GOSR2: variants seen among roughly 807,000 people sequenced by gnomAD.
The protein encoded by GOSR2 is 27 kDa Golgi SNARE protein.
In GOSR2, 20 loss-of-function variants were observed where a neutral mutation model predicts 27.9. That is an observed-to-expected ratio of 0.72 (90% CI 0.50 to 1.04). GOSR2 has a LOEUF of 1.04. GOSR2 is among the 50% of genes least tolerant of loss of function. The probability of loss-of-function intolerance (pLI) is 0.00; values close to 1 mark genes in which losing one functional copy is unlikely to be tolerated. For synonymous variants in GOSR2, 91 were observed against 98.8 expected, an observed-to-expected ratio of 0.92 and a Z score of 0.47; for missense variants, 261 against 270.5, an observed-to-expected ratio of 0.97 and a Z score of 0.25.
intron 1 of GOSR2, chr17:46,924,606 C>T (rs149788415): frequency 2.5e-4 from 38 of 152,296 alleles, no homozygotes; most frequent in African/African-American, 8.2e-4. Context: ...TCCTCTTTCT[C>T]TTTCATTTTC....
chr17:46,973,656 G>A (rs1028346587), intron 6 of GOSR2, among the ~76,000 whole-genome samples: 3 of 152,138 alleles, frequency 2.0e-5, no homozygotes, highest in Non-Finnish European at 2.9e-5. Context: ...CACCTGCCCC[G>A]TCTGCCGAGC....
chr17:46,932,352 C>A, intron 4 of GOSR2, 153 bp downstream of exon 4: 3 of 819,310 alleles, frequency 3.7e-6, no homozygotes, highest in Non-Finnish European at 4.1e-6. Context: ...TGCATTGCCA[C>A]AGAGACTAGA....
intron 1 of GOSR2, chr17:46,923,908 G>A (rs2086100062): frequency 1.3e-5 from 5 of 398,224 alleles, no homozygotes; most frequent in South Asian, 1.3e-4. Context: ...TTTTGGGGGC[G>A]GGGGGCAGAA....
chr17:46,965,739 T>A (rs1057164818), intron 6 of GOSR2, among the ~76,000 whole-genome samples: 13 of 152,002 alleles, frequency 8.6e-5, no homozygotes, highest in Admixed American at 4.6e-4. Context: ...CCTCCCACCT[T>A]AGCCTCCTGA....
chr17:46,947,464 C>G (rs138924122), intron 6 of GOSR2, among the ~76,000 whole-genome samples: 152 of 152,292 alleles, frequency 1.0e-3, no homozygotes, highest in African/African-American at 3.6e-3. Context: ...GTTCATGCTG[C>G]TGAGATACTG....
chr17:46,945,765 T>C (rs2089801884), downstream of GOSR2, among the ~76,000 whole-genome samples: 1 of 152,092 alleles, frequency 6.6e-6, no homozygotes, highest in Non-Finnish European at 1.5e-5. Flanking sequence ...AGGCAGAAGC[T>C]CAGGGAGTGG....
chr17:46,951,466 G>A (rs2090340127), intron 6 of GOSR2, among the ~76,000 whole-genome samples: 3 of 152,232 alleles, frequency 2.0e-5, no homozygotes, highest in African/African-American at 7.2e-5. Context: ...CACAGGTTTA[G>A]CAGTGACTTG....
At chr17:46,970,480 C>T (rs1283168595), downstream of GOSR2, among the ~76,000 whole-genome samples, 1 of 138,674 alleles carries the variant, frequency 7.2e-6, no homozygotes, top group Non-Finnish European at 1.5e-5. Flanking sequence ...GCACAGGTTG[C>T]AGCAAGCCGA....
chr17:46,936,026 G>C lies in GOSR2; in HGVS notation c.477+857G>C, dbSNP rs2088271540. On this transcript the variant is annotated intron_variant, in intron 5 of 5. Transcript: ENST00000640051. ...AGTCTGTCAGCTCCACAGGACTTCA[G>C]TACGTTTCTGAACAGTCCCTGCCAT... 7 of 985,730 alleles carry C rather than the reference G, an allele frequency of 7.1e-6. No individual in the cohort carries two copies. In the South Asian group the frequency reaches 2.8e-4, roughly 40 times the overall value. 61.1% of individuals were successfully genotyped at this position (985,730 alleles called of 1,614,324 possible).
intron 4 of GOSR2, 24 bp from the exon 5 acceptor site, chr17:46,935,001 TAATC>T: frequency 6.2e-7 from 1 of 1,608,874 alleles, no homozygotes; most frequent in East Asian, 2.2e-5. Flanking sequence ...TAAGCAAAGT[TAATC>T]AAGTGCCTGT....
At chr17:46,926,138 A>G (rs558277363) in intron 1 of GOSR2, among the ~76,000 whole-genome samples, 2 of 152,322 alleles carry the variant, frequency 1.3e-5, no homozygotes, top group South Asian at 4.1e-4. Flanking sequence ...TTTCCTGAAC[A>G]GCGGAGCTTA....
chr17:46,933,464 G>A (rs1296798818), intron 4 of GOSR2: 4 of 152,182 alleles, frequency 2.6e-5, no homozygotes, highest in Admixed American at 2.6e-4. Context: ...CTGGGCATTA[G>A]CTGCATGCAG....
intron 6 of GOSR2, among the ~76,000 whole-genome samples, chr17:46,960,602 A>G (rs1183705780): frequency 6.6e-6 from 1 of 152,270 alleles, no homozygotes; most frequent in African/African-American, 2.4e-5. Context: ...CAACCCAAAT[A>G]TCCTTCAACT....
At chr17:46,960,901 A>G (rs1555723318) in intron 6 of GOSR2, among the ~76,000 whole-genome samples, 1 of 152,214 alleles carries the variant, frequency 6.6e-6, no homozygotes, top group Non-Finnish European at 1.5e-5. Context: ...GAGTATCTCG[A>G]TTGTGTTCAT....
At chr17:46,971,319 A>G (rs966481562), downstream of GOSR2, among the ~76,000 whole-genome samples, 1 of 152,200 alleles carries the variant, frequency 6.6e-6, no homozygotes, top group African/African-American at 2.4e-5. Context: ...CCTGGGCAAC[A>G]GAGCGAGACT....
chr17:46,926,786 G>T (rs1192570280), intron 1 of GOSR2, among the ~76,000 whole-genome samples: 1 of 152,172 alleles, frequency 6.6e-6, no homozygotes, highest in African/African-American at 2.4e-5. Flanking sequence ...TGGCCACATT[G>T]TCTCTGATTG....
intron 4 of GOSR2, 132 bp from the exon 5 acceptor site, chr17:46,934,897 A>G (rs1423581377): frequency 1.2e-5 from 10 of 802,962 alleles, no homozygotes; most frequent in Non-Finnish European, 2.2e-5. Flanking sequence ...TTTCTTATCC[A>G]TTAGGGTCCG....
chr17:46,947,682 G>A (rs773202078), intron 6 of GOSR2, among the ~76,000 whole-genome samples: 1 of 152,170 alleles, frequency 6.6e-6, no homozygotes, highest in Non-Finnish European at 1.5e-5. Context: ...AAACCTCAGC[G>A]TCCTGTCTGT....
At chr17:46,964,513 C>T (rs55840676) in intron 6 of GOSR2, 5,440 of 152,546 alleles carry the variant, frequency 0.036, 152 homozygotes, top group Non-Finnish European at 0.057. Context: ...TGGCCTATTG[C>T]TGGGGAGGCC....
Sources: gnomAD v4.1 joint callset for allele counts (sites outside exome capture counted in the v4.1 genomes callset) on GRCh38, gnomAD v4.1.1 for gene constraint, MANE v1.5 for transcripts, NCBI Gene and HGNC (gene_info 2026-07-23, HGNC 2026-07-21) for gene names.